ALPK2: variants seen among roughly 807,000 people sequenced by gnomAD.
ALPK2 encodes the protein alpha kinase 2, also known as alpha-protein kinase 2.
Under a neutral mutation model 163.1 loss-of-function variants are expected in ALPK2, and 127 were observed. The ratio of observed to expected loss-of-function variants is 0.78; its 90% confidence interval spans 0.67 to 0.90. The LOEUF (loss-of-function observed/expected upper bound fraction) is 0.90, where lower values mean the gene tolerates loss of function less well. Among genes scored for constraint, ALPK2 ranks in the 40% least tolerant of loss-of-function variants. ALPK2 has a pLI of 0.00. For missense variants in ALPK2, 2,360 were observed against 2,589.6 expected, an observed-to-expected ratio of 0.91 and a Z score of 1.92; for synonymous variants, 953 against 959.1, an observed-to-expected ratio of 0.99 and a Z score of 0.12.
rs140874455 is a variant in ALPK2 at position 58,537,902 on chromosome 18, T to C, written c.2285A>G (p.Lys762Arg). 4.4e-4 allele frequency: 718 copies of C among 1,614,204 alleles called. 5 individuals carry two copies. In the African/African-American group the frequency reaches 8.5e-3, roughly 19 times the overall value. ...CTCCCTGAAGTCAGCACGAGCATCC[T>C]TGGGGAGATGCCTTGAGAACACACC... is the stretch of plus-strand genomic sequence containing the variant. ...SPGVFSRHLP[K>R]DARADFREPV... The change falls in exon 5 of 13, where the codon AAG (lysine) becomes AGG (arginine). Residue 762 changes from lysine (K) to arginine (R), a missense_variant. Coordinates refer to ENST00000361673, the MANE Select transcript of ALPK2 (RefSeq NM_052947.4).
chr18:58,565,766 CCTTCCTTTCTTTCTTT>C (rs1487838611), intron 4 of ALPK2, among the ~76,000 whole-genome samples: 2 of 114,970 alleles, frequency 1.7e-5, no homozygotes, highest in Non-Finnish European at 3.7e-5. Flanking sequence ...TTCCTTCCTT[CCTTCCTTTCTTTCTTT>C]CTTTCTTCCT....
At chr18:58,559,941 T>C (rs1313684260) in intron 4 of ALPK2, among the ~76,000 whole-genome samples, 1 of 152,178 alleles carries the variant, frequency 6.6e-6, no homozygotes, top group African/African-American at 2.4e-5. Flanking sequence ...CAGAACAACA[T>C]AGATTTATTA....
rs1260204111 is a variant in ALPK2, at chr18:58,537,469, G to A, written c.2718C>T (p.Ala906=). ...LNISHTASEG[A]TGENLAKVEN... ...CCACCTTGGCTAGATTTTCTCCTGT[G>A]GCACCTTCACTAGCTGTGTGTGAAA... Residue 906 remains alanine, a synonymous_variant, in exon 5 of 13, where the codon GCC becomes GCT. Coordinates refer to ENST00000361673, the MANE Select transcript of ALPK2 (RefSeq NM_052947.4). 6.2e-7 allele frequency: 1 copy of A among 1,611,876 alleles called. No individual in the cohort carries two copies. The highest frequency in any genetic ancestry group is 8.5e-7 in the Non-Finnish European group (1 of 1,178,554).
At chr18:58,616,338 T>A (rs2052168245) in intron 1 of ALPK2, among the ~76,000 whole-genome samples, 1 of 152,206 alleles carries the variant, frequency 6.6e-6, no homozygotes, top group Non-Finnish European at 1.5e-5. Context: ...TATCCTTCTT[T>A]TACCTGTCCA....
At chr18:58,540,001 G>A (rs563778340) in intron 4 of ALPK2, among the ~76,000 whole-genome samples, 1 of 152,334 alleles carries the variant, frequency 6.6e-6, no homozygotes, top group East Asian at 1.9e-4. Context: ...TAAACTCCAT[G>A]AGGGCTAGGA....
chr18:58,616,602 G>A (rs1041099961), intron 1 of ALPK2, among the ~76,000 whole-genome samples: 25 of 152,178 alleles, frequency 1.6e-4, no homozygotes, highest in Non-Finnish European at 3.2e-4. Flanking sequence ...CTGAACACGT[G>A]GAGGCTGACA....
Position 58,608,772 on chromosome 18 carries a change from C to T in ALPK2, c.110-1333G>A, listed in dbSNP as rs188683239. Among the ~76,000 whole-genome samples, 874 of 152,046 alleles carry T rather than the reference C, an allele frequency of 5.7e-3. 10 individuals carry two copies. Among genetic ancestry groups the T allele is most frequent in the South Asian group, 0.031 (149 of 4,822 alleles). On this transcript the variant is annotated intron_variant, in intron 2 of 12. Transcript: ENST00000361673. ...TTTAAGACCAGTCTGGGCCACATGG[C>T]AAAACCTCATCTCTAGAAACAATAC... is the stretch of plus-strand genomic sequence containing the variant.
chr18:58,505,570 T>C (rs1434549113), intron 10 of ALPK2, among the ~76,000 whole-genome samples: 1 of 152,052 alleles, frequency 6.6e-6, no homozygotes, highest in Non-Finnish European at 1.5e-5. Flanking sequence ...CTCTCCTCCA[T>C]CAATATTCCC....
intron 8 of ALPK2, among the ~76,000 whole-genome samples, chr18:58,523,364 T>A (rs540573212): frequency 6.6e-6 from 1 of 152,112 alleles, no homozygotes; most frequent in Non-Finnish European, 1.5e-5. Context: ...GAATAGTGCC[T>A]CAATAAACAT....
chr18:58,515,189 T>C, intron 9 of ALPK2, 108 bp from the exon 10 acceptor site: 1 of 801,542 alleles, frequency 1.2e-6, no homozygotes. Context: ...GCCAATGAAC[T>C]GACAAGCCCA....
rs908370345 is a variant in ALPK2, at chr18:58,482,040, C to T, written c.6297-1G>A. 6.2e-7 allele frequency: 1 copy of T among 1,611,256 alleles called. No individual in the cohort carries two copies. Among genetic ancestry groups the T allele is most frequent in the African/African-American group, 1.3e-5 (1 of 74,730 alleles). On this transcript the variant is annotated splice_acceptor_variant, in intron 12 of 12. Transcript: ENST00000361673. LOFTEE classifies it high-confidence loss of function. ...ACAGTTGCCTTTAAATCCCTTGTAC[C>T]TGTGAGTTTGGGTGGAAGGAAACAT...
At chr18:58,613,710 ATAAT>A (rs375032857) in intron 1 of ALPK2, among the ~76,000 whole-genome samples, 13,915 of 84,676 alleles carry the variant, frequency 0.16, 1,049 homozygotes, top group South Asian at 0.27. Context: ...AAAAAAAAAA[ATAAT>A]AATAATAATA....
At chr18:58,524,263 G>A (rs538379051) in intron 6 of ALPK2, among the ~76,000 whole-genome samples, 29 of 152,140 alleles carry the variant, frequency 1.9e-4, no homozygotes, top group Non-Finnish European at 3.5e-4. Context: ...TGGCTAACAC[G>A]CTCACTCCAA....
intron 10 of ALPK2, among the ~76,000 whole-genome samples, chr18:58,510,727 A>G (rs1224996149): frequency 6.6e-6 from 1 of 152,216 alleles, no homozygotes; most frequent in Non-Finnish European, 1.5e-5. Context: ...ATTTTTGCAC[A>G]TTGATTTTGT....
At position 58,535,536 on chromosome 18, in the gene ALPK2, C is replaced by A. The variant is rs3809983; in HGVS notation, c.4651G>T (p.Ala1551Ser). The A allele has an allele frequency of 0.47, 760,486 of 1,613,950 alleles. 184,473 individuals are homozygous for A. Among genetic ancestry groups the A allele is most frequent in the Non-Finnish European group, 0.51 (597,937 of 1,179,948 alleles). The stretch of plus-strand genomic sequence containing the variant: ...TTGTGCGTGTCAACCCCAAGAGAAG[C>A]GTGAGTCATTATTGGAAGACAACTA... ...LSSCLPIMTH[A>S]SLGVDTHNST... is the part of the protein sequence containing the mutation. Residue 1551 changes from alanine (A) to serine (S), a missense_variant, in exon 5 of 13, where the codon GCT becomes TCT. Ala to Ser is a moderately conservative substitution (Grantham distance 99, BLOSUM62 1). Coordinates refer to ENST00000361673, the MANE Select transcript of ALPK2 (RefSeq NM_052947.4).
At chr18:58,609,758 G>A (rs1002319926) in intron 2 of ALPK2, among the ~76,000 whole-genome samples, 3 of 152,202 alleles carry the variant, frequency 2.0e-5, no homozygotes, top group Non-Finnish European at 4.4e-5. Flanking sequence ...GGAACCTACT[G>A]TGGGTCATAC....
intron 1 of ALPK2, among the ~76,000 whole-genome samples, chr18:58,625,295 C>T (rs2052223999): frequency 1.3e-5 from 2 of 152,286 alleles, no homozygotes; most frequent in Middle Eastern, 3.4e-3. Flanking sequence ...GCCTGCAGGG[C>T]ACCTGATGGG....
At position 58,510,981 on chromosome 18, in the gene ALPK2, C is replaced by T. The variant is rs560553761; in HGVS notation, c.6029+4012G>A. Among the ~76,000 whole-genome samples, 509 of 152,300 alleles carry T rather than the reference C, an allele frequency of 3.3e-3. 1 individual carries two copies. Among genetic ancestry groups the T allele is most frequent in the African/African-American group, 0.012 (480 of 41,562 alleles). On this transcript the variant is annotated intron_variant, in intron 10 of 12. Transcript: ENST00000361673. ...CTTATGCCAGTTTTCAAAGGGAATG[C>T]TTCCAGTTTTTGCCCATTCAGTATG...
intron 4 of ALPK2, among the ~76,000 whole-genome samples, chr18:58,570,141 A>G (rs892904116): frequency 1.3e-5 from 2 of 152,132 alleles, no homozygotes; most frequent in East Asian, 1.9e-4. Context: ...AAAAAAAAAA[A>G]AAAAAGAAAA....
Sources: gnomAD v4.1 joint callset for allele counts (sites outside exome capture counted in the v4.1 genomes callset) on GRCh38, gnomAD v4.1.1 for gene constraint, MANE v1.5 for transcripts, NCBI Gene and HGNC (gene_info 2026-07-23, HGNC 2026-07-21) for gene names.